Variants in CDC42BPA observed in about 807,000 individuals in gnomAD.
CDC42BPA encodes CDC42 binding protein kinase alpha, also known as serine/threonine-protein kinase MRCK alpha.
Under a neutral mutation model 223.5 loss-of-function variants are expected in CDC42BPA, and 80 were observed. The observed-to-expected ratio is 0.36, with a 90% CI of 0.30 to 0.43. The LOEUF is 0.43. Ranked by LOEUF, CDC42BPA falls within the 20% of genes least tolerant of loss-of-function variation. The pLI is 1.00. For synonymous variants in CDC42BPA, 694 were observed against 718.6 expected, an observed-to-expected ratio of 0.97 and a Z score of 0.55; for missense variants, 1,743 against 2,099.9, an observed-to-expected ratio of 0.83 and a Z score of 3.32.
At chr1:227,307,099 T>C (rs1425527477) in intron 1 of CDC42BPA, among the ~76,000 whole-genome samples, 1 of 152,176 alleles carries the variant, frequency 6.6e-6, no homozygotes, top group Non-Finnish European at 1.5e-5. Flanking sequence ...AAAGCTTTAC[T>C]GGAAAAAAAC....
intron 3 of CDC42BPA, among the ~76,000 whole-genome samples, chr1:227,208,117 T>C (rs1473456364): frequency 7.3e-6 from 1 of 136,996 alleles, no homozygotes. Context: ...TGATGGCCAG[T>C]GATGACGAGC....
At chr1:227,309,964 G>A (rs1343264134) in intron 1 of CDC42BPA, among the ~76,000 whole-genome samples, 1 of 152,172 alleles carries the variant, frequency 6.6e-6, no homozygotes, top group African/African-American at 2.4e-5. Context: ...CACAGAAAAT[G>A]AAGTTCACAG....
chr1:227,207,667 C>T (rs993034262), intron 3 of CDC42BPA, among the ~76,000 whole-genome samples: 11 of 151,380 alleles, frequency 7.3e-5, no homozygotes, highest in African/African-American at 2.7e-4. Flanking sequence ...TTTCCAATTT[C>T]ATCTATGTCC....
chr1:227,157,500 G>A (rs573716432), intron 6 of CDC42BPA, among the ~76,000 whole-genome samples: 15 of 152,136 alleles, frequency 9.9e-5, no homozygotes, highest in African/African-American at 3.4e-4. Flanking sequence ...CTTTCCTTCT[G>A]GCTGCTTTTA....
At chr1:227,178,669 A>AT (rs1484980075) in intron 5 of CDC42BPA, among the ~76,000 whole-genome samples, 2 of 152,064 alleles carry the variant, frequency 1.3e-5, no homozygotes, top group Non-Finnish European at 2.9e-5. Flanking sequence ...CTAATGTTGT[A>AT]TTTTTAGTAG....
chr1:227,198,990 C>T (rs1671262312), intron 4 of CDC42BPA, among the ~76,000 whole-genome samples: 1 of 152,162 alleles, frequency 6.6e-6, no homozygotes, highest in Non-Finnish European at 1.5e-5. Context: ...CCTCATGATC[C>T]TCCCGCCTTG....
intron 1 of CDC42BPA, among the ~76,000 whole-genome samples, chr1:227,314,775 T>C (rs1212824506): frequency 8.2e-6 from 1 of 122,418 alleles, no homozygotes; most frequent in African/African-American, 3.4e-5. Context: ...TAAAAGACAA[T>C]ATTTTTTCAA....
rs189507326 is a variant in CDC42BPA, at chr1:227,199,276, A to G, written c.450+281T>C. 8.1e-4 allele frequency among the ~76,000 whole-genome samples: 123 copies of G among 152,310 alleles called. 1 individual carries two copies. The highest frequency in any genetic ancestry group is 2.8e-3 in the African/African-American group (118 of 41,570). ...GAATGGTACTGGTGTTAAAGGTATC[A>G]TGAAAAACTCCTGAAGACCGTCTAT... is the stretch of plus-strand genomic sequence containing the variant. On this transcript the variant is annotated intron_variant, in intron 4 of 36. Transcript: ENST00000366766.
chr1:227,134,152 A>AT (rs963784404), intron 10 of CDC42BPA, among the ~76,000 whole-genome samples: 38 of 151,550 alleles, frequency 2.5e-4, no homozygotes, highest in African/African-American at 7.8e-4. Context: ...AACATTTTCC[A>AT]TTTTTTTCCT....
chr1:227,128,887 C>A (rs1276427635), intron 11 of CDC42BPA, among the ~76,000 whole-genome samples: 2 of 152,124 alleles, frequency 1.3e-5, no homozygotes, highest in African/African-American at 4.8e-5. Context: ...ATTTATTTTT[C>A]CTGATAGCCT....
chr1:227,194,064 GA>G, intron 4 of CDC42BPA, 130 bp from the exon 5 acceptor site: 1 of 585,314 alleles, frequency 1.7e-6, no homozygotes, highest in Non-Finnish European at 2.8e-6. Flanking sequence ...TAATTAACAA[GA>G]AACTGTGTAA....
intron 5 of CDC42BPA, among the ~76,000 whole-genome samples, chr1:227,188,832 A>C (rs1669252723): frequency 6.6e-6 from 1 of 152,202 alleles, no homozygotes; most frequent in African/African-American, 2.4e-5. Flanking sequence ...AGAGAACACG[A>C]ATGTAAACAT....
intron 5 of CDC42BPA, among the ~76,000 whole-genome samples, chr1:227,181,005 G>A (rs1404206117): frequency 1.3e-5 from 2 of 151,454 alleles, no homozygotes; most frequent in East Asian, 3.9e-4. Flanking sequence ...ACATGATGCT[G>A]TTAAGTCATT....
intron 35 of CDC42BPA, among the ~76,000 whole-genome samples, chr1:226,998,458 T>A (rs1425711739): frequency 6.6e-6 from 1 of 152,020 alleles, no homozygotes; most frequent in Non-Finnish European, 1.5e-5. Context: ...TATAGACCAA[T>A]GGAACACAAT....
At chr1:227,094,023 A>C (rs1277905640) in intron 15 of CDC42BPA, among the ~76,000 whole-genome samples, 1 of 152,150 alleles carries the variant, frequency 6.6e-6, no homozygotes, top group Non-Finnish European at 1.5e-5. Context: ...ACTATCTTTA[A>C]CACCTACCCA....
At chr1:227,035,253 G>T (rs1157134859) in intron 25 of CDC42BPA, among the ~76,000 whole-genome samples, 2 of 152,082 alleles carry the variant, frequency 1.3e-5, no homozygotes, top group Non-Finnish European at 1.5e-5. Context: ...CACAAGATAG[G>T]AACAATATGG....
intron 1 of CDC42BPA, among the ~76,000 whole-genome samples, chr1:227,273,995 C>CAAAAAAAAAAAAAAAAA (rs10599884): frequency 8.8e-5 from 5 of 57,004 alleles, no homozygotes; most frequent in African/African-American, 1.9e-4. Context: ...TCGTATACAC[C>CAAAAAAAAAAAAAAAAA]AAAAAAAAAA....
intron 1 of CDC42BPA, among the ~76,000 whole-genome samples, chr1:227,282,536 T>C (rs985908689): frequency 6.6e-6 from 1 of 152,246 alleles, no homozygotes; most frequent in Admixed American, 6.5e-5. Context: ...GGCTCTCTGG[T>C]ATTACCGGCA....
At chr1:227,316,374 T>A (rs184295181) in intron 1 of CDC42BPA, among the ~76,000 whole-genome samples, 3 of 152,300 alleles carry the variant, frequency 2.0e-5, no homozygotes. Flanking sequence ...TAAATTAACT[T>A]TCGAGTAAAA....
Sources: allele counts gnomAD v4.1 joint callset (sites outside exome capture counted in the v4.1 genomes callset), GRCh38; gene constraint gnomAD v4.1.1; transcripts MANE v1.5; gene names NCBI Gene and HGNC (gene_info 2026-07-23, HGNC 2026-07-21).